The following SPTA1 variants were observed in gnomAD, a reference collection of about 807,000 sequenced individuals.
The protein encoded by SPTA1 is spectrin alpha chain, erythrocytic 1.
Under a neutral mutation model 324.7 loss-of-function variants are expected in SPTA1, and 177 were observed. That is an observed-to-expected ratio of 0.55 (90% CI 0.48 to 0.62). SPTA1 has a LOEUF of 0.62. Among genes scored for constraint, SPTA1 ranks in the 20% least tolerant of loss-of-function variants. The pLI is 0.00. For synonymous variants in SPTA1, 1,195 were observed against 1,041.3 expected, an observed-to-expected ratio of 1.15 and a Z score of -2.84; for missense variants, 3,162 against 2,883.6, an observed-to-expected ratio of 1.10 and a Z score of -2.21.
At chr1:158,673,997 TA>T (rs1050823909) in intron 10 of SPTA1, among the ~76,000 whole-genome samples, 5 of 152,342 alleles carry the variant, frequency 3.3e-5, no homozygotes, top group African/African-American at 1.2e-4. Flanking sequence ...AACAATTATT[TA>T]CATAGCATTT....
intron 42 of SPTA1, 138 bp from the exon 43 acceptor site, chr1:158,623,330 A>T: frequency 1.2e-6 from 1 of 813,412 alleles, no homozygotes. Context: ...AATATAACTT[A>T]GAGATGTAAG....
intron 33 of SPTA1, among the ~76,000 whole-genome samples, chr1:158,641,562 C>G (rs577185126): frequency 6.6e-6 from 1 of 152,186 alleles, no homozygotes; most frequent in East Asian, 1.9e-4. Flanking sequence ...TGAAAAAATG[C>G]TCATCATCAC....
At chr1:158,642,117 C>T (rs1432765976) in intron 33 of SPTA1, among the ~76,000 whole-genome samples, 1 of 151,730 alleles carries the variant, frequency 6.6e-6, no homozygotes, top group African/African-American at 2.4e-5. Context: ...AATGAGAACA[C>T]ATGGACACAG....
chr1:158,667,148 A>T (rs1368911286), intron 15 of SPTA1, among the ~76,000 whole-genome samples: 1 of 151,290 alleles, frequency 6.6e-6, no homozygotes, highest in East Asian at 1.9e-4. Context: ...CTAAACCAAA[A>T]ATAAGGATGG....
Position 158,671,417 on chromosome 1 carries a change from C to G in SPTA1, c.1525G>C (p.Gly509Arg). Residue 509 changes from glycine to arginine, a missense_variant, in exon 12 of 52, where the codon GGC becomes CGC. Transcript: ENST00000643759. ...TTCTGAAGAAGGGCTTCTGCACTGCCCAGTGAGTTTCCCAGATCCTCGTTT... is the reference window on the plus strand; with the variant it reads ...TTCTGAAGAAGGGCTTCTGCACTGCGCAGTGAGTTTCCCAGATCCTCGTTT... ...LENEDLGNSL[G>R]SAEALLQKHE... 6.2e-7 allele frequency: 1 copy of G among 1,613,212 alleles called. No homozygotes were observed. The highest frequency in any genetic ancestry group is 1.1e-5 in the South Asian group (1 of 91,040).
intron 22 of SPTA1, among the ~76,000 whole-genome samples, 183 bp downstream of exon 22, chr1:158,653,091 G>A (rs1652573074): frequency 6.6e-6 from 1 of 152,072 alleles, no homozygotes; most frequent in Non-Finnish European, 1.5e-5. Context: ...ATGATTCTGG[G>A]GTTGCCTTTC....
chr1:158,667,044 A>G (rs1653655287), intron 15 of SPTA1, among the ~76,000 whole-genome samples: 1 of 152,178 alleles, frequency 6.6e-6, no homozygotes, highest in Admixed American at 6.5e-5. Flanking sequence ...TCTTATTGCA[A>G]TTATTTGCAT....
chr1:158,643,060 C>T, intron 31 of SPTA1, 84 bp from the exon 32 acceptor site: 1 of 1,558,806 alleles, frequency 6.4e-7, no homozygotes, highest in East Asian at 2.3e-5. Context: ...TCCCATTTGC[C>T]AACATGCCTC....
intron 40 of SPTA1, among the ~76,000 whole-genome samples, 196 bp from the exon 41 acceptor site, chr1:158,627,203 G>A (rs1486794557): frequency 2.0e-5 from 3 of 151,820 alleles, no homozygotes; most frequent in African/African-American, 7.3e-5. Flanking sequence ...AGATCAATGA[G>A]GATTTATTAA....
chr1:158,639,191 G>A, intron 35 of SPTA1: 2 of 249,492 alleles, frequency 8.0e-6, no homozygotes, highest in South Asian at 1.0e-4. Context: ...CAGAGTGTTT[G>A]TGTAGTTCAT....
chr1:158,627,815 G>A, intron 39 of SPTA1, 92 bp from the exon 40 acceptor site: 1 of 1,276,470 alleles, frequency 7.8e-7, no homozygotes, highest in East Asian at 2.4e-5. Context: ...TATTCCCTAG[G>A]GTTGATTCAA....
Position 158,629,388 on chromosome 1 carries a change from G to T in SPTA1, c.5566-1665C>A, listed in dbSNP as rs146531748. On this transcript the variant is annotated intron_variant, in intron 39 of 51. Coordinates refer to ENST00000643759, the MANE Select transcript of SPTA1 (RefSeq NM_003126.4). ...ATGCAAGGATGGTTCAACATATGCA[G>T]ATCAATAAATGTGATACAACACATT... 6.5e-3 allele frequency among the ~76,000 whole-genome samples: 982 copies of T among 151,894 alleles called. 3 individuals are homozygous for T. The highest frequency in any genetic ancestry group is 0.01 in the Admixed American group (153 of 15,242).
intron 18 of SPTA1, among the ~76,000 whole-genome samples, chr1:158,658,537 T>C (rs1652987252): frequency 6.6e-6 from 1 of 152,180 alleles, no homozygotes; most frequent in South Asian, 2.1e-4. Flanking sequence ...ATACATGAGA[T>C]AGGGTCCTCA....
intron 16 of SPTA1, among the ~76,000 whole-genome samples, chr1:158,665,107 C>T (rs1321997961): frequency 6.6e-6 from 1 of 152,214 alleles, no homozygotes; most frequent in African/African-American, 2.4e-5. Context: ...GCCACCCTAA[C>T]TTTCCCAAAT....
At chr1:158,660,637 G>T (rs1653145629) in intron 18 of SPTA1, among the ~76,000 whole-genome samples, 1 of 152,200 alleles carries the variant, frequency 6.6e-6, no homozygotes. Flanking sequence ...GGTGGGATCT[G>T]AAGTTTTTCT....
intron 39 of SPTA1, 94 bp from the exon 40 acceptor site, chr1:158,627,817 T>C: frequency 1.6e-6 from 2 of 1,258,910 alleles, no homozygotes; most frequent in Non-Finnish European, 2.3e-6. Context: ...TTCCCTAGGG[T>C]TGATTCAATG....
At chr1:158,645,070 G>A (rs1651889525) in intron 29 of SPTA1, 118 bp downstream of exon 29, 3 of 1,026,448 alleles carry the variant, frequency 2.9e-6, no homozygotes, top group Non-Finnish European at 4.6e-6. Flanking sequence ...TAAGAGATGA[G>A]CTCCCTTTGT....
At position 158,678,405 on chromosome 1, in the gene SPTA1, T is replaced by C. The variant is rs1414451499; in HGVS notation, c.808A>G (p.Lys270Glu). The C allele has an allele frequency of 6.2e-7, 1 of 1,613,584 alleles. No individual in the cohort carries two copies. Among genetic ancestry groups the C allele is most frequent in the Non-Finnish European group, 8.5e-7 (1 of 1,179,634 alleles). The change falls in exon 6 of 52, where the codon AAA (lysine) becomes GAA (glutamate). Residue 270 changes from lysine (K) to glutamate (E), a missense_variant. Lys to Glu is a moderately conservative substitution (Grantham distance 56). Transcript: ENST00000643759. ...LSNAANLQRF[K>E]RDVTEAIQWI... is the part of the protein sequence containing the mutation. ...AAGCAGTGGCCAGATCCATACCTTT[T>C]GAATCGTTGTAAGTTTGCAGCATTG... is the stretch of plus-strand genomic sequence containing the variant.
At chr1:158,649,981 A>C in intron 24 of SPTA1, 34 bp from the exon 25 acceptor site, 1 of 1,467,414 alleles carries the variant, frequency 6.8e-7, no homozygotes, top group Non-Finnish European at 9.5e-7. Flanking sequence ...CTTGAGACAG[A>C]GAACTAACTC....
Sources: gnomAD v4.1 joint callset for allele counts (sites outside exome capture counted in the v4.1 genomes callset) on GRCh38, gnomAD v4.1.1 for gene constraint, MANE v1.5 for transcripts, NCBI Gene and HGNC (gene_info 2026-07-23, HGNC 2026-07-21) for gene names.